SLC16A12: variants seen among roughly 807,000 people sequenced by gnomAD.
The protein encoded by SLC16A12 is solute carrier family 16 member 12.
SLC16A12 carries 17 observed loss-of-function variants against 42.4 expected under a neutral mutation model. The observed-to-expected ratio is 0.40, with a 90% CI of 0.27 to 0.60. The LOEUF (loss-of-function observed/expected upper bound fraction) is 0.60, where lower values mean the gene tolerates loss of function less well. Among genes scored for constraint, SLC16A12 ranks in the 20% least tolerant of loss-of-function variants. The probability of loss-of-function intolerance (pLI) is 0.42; values close to 1 mark genes in which losing one functional copy is unlikely to be tolerated. For synonymous variants in SLC16A12, 224 were observed against 229.4 expected, an observed-to-expected ratio of 0.98 and a Z score of 0.21; for missense variants, 544 against 623.0, an observed-to-expected ratio of 0.87 and a Z score of 1.35.
intron 3 of SLC16A12, among the ~76,000 whole-genome samples, chr10:89,447,744 A>G (rs1842027482): frequency 6.6e-6 from 1 of 152,252 alleles, no homozygotes; most frequent in African/African-American, 2.4e-5. Context: ...AGAAGGCAAG[A>G]AATAACTAAA....
chr10:89,554,818 A>C (rs1024174236), intron 2 of SLC16A12, among the ~76,000 whole-genome samples: 1 of 152,188 alleles, frequency 6.6e-6, no homozygotes, highest in African/African-American at 2.4e-5. Flanking sequence ...TATGTTAGCT[A>C]TCTGGCCCCT....
intron 2 of SLC16A12, among the ~76,000 whole-genome samples, chr10:89,471,779 G>A (rs1589687549): frequency 6.6e-6 from 1 of 152,084 alleles, no homozygotes; most frequent in African/African-American, 2.4e-5. Flanking sequence ...TCGCAACTTT[G>A]GCAATACTTG....
intron 2 of SLC16A12, among the ~76,000 whole-genome samples, chr10:89,522,990 A>G (rs1564598739): frequency 6.6e-6 from 1 of 152,120 alleles, no homozygotes; most frequent in East Asian, 1.9e-4. Context: ...TATTTCTCCA[A>G]TTTATTCATA....
intron 2 of SLC16A12, among the ~76,000 whole-genome samples, chr10:89,482,021 C>T (rs994809247): frequency 3.9e-5 from 6 of 151,986 alleles, no homozygotes; most frequent in African/African-American, 7.2e-5. Flanking sequence ...GCATGAGTTA[C>T]GCTGAATAGT....
chr10:89,460,958 C>G (rs766323374), intron 3 of SLC16A12, among the ~76,000 whole-genome samples: 1 of 152,112 alleles, frequency 6.6e-6, no homozygotes, highest in Non-Finnish European at 1.5e-5. Flanking sequence ...AGATAAACAT[C>G]TTATTCTATC....
At position 89,430,603 on chromosome 10, in the gene SLC16A12, C is replaced by G; in HGVS notation, c.*2461G>C. 2.2e-6 allele frequency: 1 copy of G among 460,186 alleles called. No homozygotes were observed. Among genetic ancestry groups the G allele is most frequent in the African/African-American group, 2.0e-5 (1 of 49,514 alleles). 28.5% of individuals were successfully genotyped at this position (460,186 alleles called of 1,614,324 possible). A position where few individuals can be genotyped will look rare whatever the true frequency, so the allele number is the denominator to read the frequency against. On this transcript the variant is annotated 3_prime_UTR_variant, in exon 8 of 8. Coordinates refer to ENST00000371790, the MANE Select transcript of SLC16A12 (RefSeq NM_213606.4). ...AGTATAGACACATGGAACATTAACACTAAAATTCTGTGTAGAAATGTAAAA... is the reference window on the plus strand; with the variant it reads ...AGTATAGACACATGGAACATTAACAGTAAAATTCTGTGTAGAAATGTAAAA...
chr10:89,437,584 C>T (rs1177267897), intron 6 of SLC16A12, among the ~76,000 whole-genome samples: 2 of 151,964 alleles, frequency 1.3e-5, no homozygotes, highest in Non-Finnish European at 2.9e-5. Flanking sequence ...CTGCTTCTTG[C>T]TGAGTTATTT....
Position 89,439,075 on chromosome 10 carries a change from C to A in SLC16A12, c.557G>T (p.Gly186Val). The stretch of plus-strand genomic sequence containing the variant: ...AACCACAGGAGCCAGGATGAAGGTG[C>A]CAATGCCACTTCCTGACATGGCGAT... Reference protein sequence around the residue: ...YGIAMSGSGIGTFILAPVVQL... With the variant: ...YGIAMSGSGIVTFILAPVVQL... Residue 186 changes from glycine to valine, a missense_variant, in exon 6 of 8, where the codon GGC (glycine) becomes GTC (valine). Coordinates refer to ENST00000371790, the MANE Select transcript of SLC16A12 (RefSeq NM_213606.4). 1 of 1,613,170 alleles carries A rather than the reference C, an allele frequency of 6.2e-7. No individual in the cohort carries two copies. Among genetic ancestry groups the A allele is most frequent in the Non-Finnish European group, 8.5e-7 (1 of 1,179,552 alleles).
At chr10:89,504,710 A>C (rs1010421042) in intron 2 of SLC16A12, among the ~76,000 whole-genome samples, 26 of 152,358 alleles carry the variant, frequency 1.7e-4, no homozygotes, top group African/African-American at 6.0e-4. Context: ...TGAGTGAACA[A>C]ACCCAAAAAG....
At chr10:89,455,270 A>G (rs756380268) in intron 3 of SLC16A12, among the ~76,000 whole-genome samples, 170 of 152,280 alleles carry the variant, frequency 1.1e-3, no homozygotes, top group Non-Finnish European at 2.0e-3. Context: ...TATAAATAAT[A>G]ATCTCTTTTT....
At chr10:89,456,492 C>T (rs1436229031) in intron 3 of SLC16A12, among the ~76,000 whole-genome samples, 2 of 151,996 alleles carry the variant, frequency 1.3e-5, no homozygotes, top group Non-Finnish European at 2.9e-5. Context: ...ACAGAATAGC[C>T]TGCAATTACA....
Position 89,462,510 on chromosome 10 carries a change from T to C in SLC16A12, c.69A>G (p.Gly23=), listed in dbSNP as rs1050438768. 1 of 1,613,846 alleles carries C rather than the reference T, an allele frequency of 6.2e-7. No homozygotes were observed. The highest frequency in any genetic ancestry group is 1.7e-5 in the Admixed American group (1 of 59,988). Residue 23 remains glycine, a synonymous_variant, in exon 3 of 8, where the codon GGA becomes GGG. Coordinates refer to ENST00000371790, the MANE Select transcript of SLC16A12 (RefSeq NM_213606.4). ...KIITWLLEQP[G]KEEKRKTMAK... ...CCATGGTTTTTCTTTTTTCTTCTTT[T>C]CCAGGTTGCTCCAACAGCCAAGTTA...
chr10:89,496,093 A>AT (rs754998093), intron 2 of SLC16A12, among the ~76,000 whole-genome samples: 9 of 152,194 alleles, frequency 5.9e-5, no homozygotes, highest in Non-Finnish European at 1.2e-4. Flanking sequence ...AACATAACTA[A>AT]TAATTATTAT....
At chr10:89,512,568 A>G (rs1181371034) in intron 2 of SLC16A12, among the ~76,000 whole-genome samples, 1 of 152,192 alleles carries the variant, frequency 6.6e-6, no homozygotes, top group African/African-American at 2.4e-5. Context: ...CCTCCATTAA[A>G]ACCCAAAAGG....
At chr10:89,516,410 A>G (rs1193191351) in intron 2 of SLC16A12, among the ~76,000 whole-genome samples, 1 of 152,206 alleles carries the variant, frequency 6.6e-6, no homozygotes, top group African/African-American at 2.4e-5. Flanking sequence ...ATTAACTTGA[A>G]AATAGAAACT....
intron 2 of SLC16A12, among the ~76,000 whole-genome samples, chr10:89,518,805 T>C (rs961780543): frequency 7.9e-5 from 12 of 152,186 alleles, no homozygotes; most frequent in Non-Finnish European, 1.6e-4. Context: ...GGCCACAGTT[T>C]TGGTCACTGC....
At chr10:89,497,402 A>G (rs540335230) in intron 2 of SLC16A12, among the ~76,000 whole-genome samples, 9 of 152,374 alleles carry the variant, frequency 5.9e-5, no homozygotes, top group African/African-American at 1.7e-4. Context: ...ACAAAAATGT[A>G]TATGTTTTAA....
At chr10:89,458,506 C>T (rs1436757936) in intron 3 of SLC16A12, among the ~76,000 whole-genome samples, 6 of 152,126 alleles carry the variant, frequency 3.9e-5, no homozygotes, top group South Asian at 4.1e-4. Context: ...TTGGCATAAG[C>T]GCACCAACTA....
At chr10:89,500,562 T>C (rs1185220363) in intron 2 of SLC16A12, among the ~76,000 whole-genome samples, 2 of 151,980 alleles carry the variant, frequency 1.3e-5, no homozygotes, top group East Asian at 1.9e-4. Context: ...GTCATATCAA[T>C]AGATGAAAAA....
Sources: allele counts gnomAD v4.1 joint callset (sites outside exome capture counted in the v4.1 genomes callset), GRCh38; gene constraint gnomAD v4.1.1; transcripts MANE v1.5; gene names NCBI Gene and HGNC (gene_info 2026-07-23, HGNC 2026-07-21).